The following CNTN5 variants were observed in gnomAD, a reference collection of about 807,000 sequenced individuals.
The protein encoded by CNTN5 is contactin-5.
A neutral mutation model predicts 129.1 loss-of-function variants in CNTN5; 77 were observed. That is an observed-to-expected ratio of 0.60 (90% confidence interval 0.50 to 0.72). CNTN5 has a LOEUF of 0.72. CNTN5 is among the 30% of genes least tolerant of loss of function. The probability of loss-of-function intolerance (pLI) is 0.00; values close to 1 mark genes in which losing one functional copy is unlikely to be tolerated. For missense variants in CNTN5, 1,478 were observed against 1,328.8 expected (o/e 1.11, Z -1.75); for synonymous variants, 509 against 465.6 (o/e 1.09, Z -1.20).
chr11:100,251,232 G>A (rs1001997511), intron 16 of CNTN5, among the ~76,000 whole-genome samples: 3 of 152,124 alleles, frequency 2.0e-5, no homozygotes, highest in Non-Finnish European at 2.9e-5. Flanking sequence ...ATTCTTGCTC[G>A]ATTTTCTCAT....
At chr11:99,375,342 T>C (rs530138663) in intron 2 of CNTN5, among the ~76,000 whole-genome samples, 1 of 125,740 alleles carries the variant, frequency 8.0e-6, no homozygotes, top group South Asian at 2.8e-4. Context: ...AATAAAGTGA[T>C]GAAAGTATAA....
chr11:99,690,442 A>G (rs1057488503), intron 3 of CNTN5, among the ~76,000 whole-genome samples: 1 of 152,040 alleles, frequency 6.6e-6, no homozygotes, highest in Non-Finnish European at 1.5e-5. Context: ...CTATCTGGCT[A>G]TTCGGGCTCT....
chr11:99,316,667 G>A (rs1029066256), intron 1 of CNTN5, among the ~76,000 whole-genome samples: 3 of 150,760 alleles, frequency 2.0e-5, no homozygotes, highest in Non-Finnish European at 4.4e-5. Context: ...ACAGAAAGCT[G>A]AACCATAATA....
At chr11:99,039,606 C>T (rs1290098877) in intron 1 of CNTN5, among the ~76,000 whole-genome samples, 1 of 152,106 alleles carries the variant, frequency 6.6e-6, no homozygotes, top group African/African-American at 2.4e-5. Context: ...TAGCTGGAGT[C>T]ACGTACATTT....
At chr11:100,021,415 A>G (rs982734925) in intron 9 of CNTN5, among the ~76,000 whole-genome samples, 14 of 152,088 alleles carry the variant, frequency 9.2e-5, no homozygotes, top group African/African-American at 3.4e-4. Context: ...AAGAGTTGAA[A>G]TTTTCTAATA....
At chr11:99,150,173 A>G (rs1474320360) in intron 1 of CNTN5, among the ~76,000 whole-genome samples, 1 of 152,034 alleles carries the variant, frequency 6.6e-6, no homozygotes, top group Non-Finnish European at 1.5e-5. Flanking sequence ...AAGTACAACA[A>G]AGTTTATACA....
At chr11:100,079,555 T>C (rs969411500) in intron 13 of CNTN5, among the ~76,000 whole-genome samples, 9 of 152,202 alleles carry the variant, frequency 5.9e-5, no homozygotes, top group Non-Finnish European at 8.8e-5. Context: ...AATATTTACT[T>C]GTTCCATTAA....
chr11:100,044,622 CTT>C (rs970974621), intron 9 of CNTN5, among the ~76,000 whole-genome samples: 1 of 148,670 alleles, frequency 6.7e-6, no homozygotes, highest in Non-Finnish European at 1.5e-5. Flanking sequence ...ATTTTTGTGT[CTT>C]TTTTTTTGAA....
At chr11:100,318,242 GAAAAAAA>G (rs66824133) in intron 21 of CNTN5, among the ~76,000 whole-genome samples, 4 of 76,752 alleles carry the variant, frequency 5.2e-5, no homozygotes, top group Non-Finnish European at 8.1e-5. Flanking sequence ...CTCTGTCTCA[GAAAAAAA>G]AAAAAAAAAA....
At chr11:100,022,051 C>G (rs1230619931) in intron 9 of CNTN5, among the ~76,000 whole-genome samples, 1 of 152,024 alleles carries the variant, frequency 6.6e-6, no homozygotes, top group African/African-American at 2.4e-5. Flanking sequence ...GTAGGTCTTC[C>G]TGAGGGTGGG....
chr11:100,152,764 T>A (rs6590633), intron 13 of CNTN5, among the ~76,000 whole-genome samples: 101,449 of 152,010 alleles, frequency 0.67, 35,725 homozygotes, highest in African/African-American at 0.9. Context: ...TTTAAAAATG[T>A]CTACTCTGTA....
intron 13 of CNTN5, among the ~76,000 whole-genome samples, chr11:100,159,040 A>T (rs1164566637): frequency 6.6e-6 from 1 of 152,020 alleles, no homozygotes; most frequent in Non-Finnish European, 1.5e-5. Flanking sequence ...ACATAAACAT[A>T]CTGTTGAATG....
At chr11:100,170,699 T>C (rs1251164137) in intron 13 of CNTN5, among the ~76,000 whole-genome samples, 1 of 151,928 alleles carries the variant, frequency 6.6e-6, no homozygotes, top group Non-Finnish European at 1.5e-5. Context: ...AGTTCCATGC[T>C]GTCTATGGTG....
chr11:99,715,883 C>G (rs1385338365), intron 3 of CNTN5, among the ~76,000 whole-genome samples: 2 of 151,730 alleles, frequency 1.3e-5, no homozygotes, highest in Non-Finnish European at 2.9e-5. Flanking sequence ...ATCTAAATGA[C>G]AGAACCATTG....
chr11:99,175,954 C>T (rs953599706), intron 1 of CNTN5, among the ~76,000 whole-genome samples: 5 of 151,964 alleles, frequency 3.3e-5, no homozygotes, highest in African/African-American at 1.2e-4. Flanking sequence ...GATACTACAC[C>T]ACAACTCAAG....
intron 17 of CNTN5, among the ~76,000 whole-genome samples, chr11:100,270,817 G>A (rs2138781695): frequency 6.6e-6 from 1 of 152,282 alleles, no homozygotes; most frequent in Non-Finnish European, 1.5e-5. Context: ...AGGGATTGAT[G>A]AAATAATTAT....
chr11:99,417,544 T>C (rs1310694653), intron 2 of CNTN5, among the ~76,000 whole-genome samples: 2 of 152,114 alleles, frequency 1.3e-5, no homozygotes, highest in Admixed American at 6.6e-5. Context: ...TGTGTCTTAA[T>C]AGACTTTATT....
intron 3 of CNTN5, among the ~76,000 whole-genome samples, chr11:99,715,106 T>A (rs1955164341): frequency 6.6e-6 from 1 of 151,968 alleles, no homozygotes. Flanking sequence ...GTGTAATAAA[T>A]GTTCAATAAA....
At chr11:99,819,951 G>C (rs1380330796) in intron 4 of CNTN5, among the ~76,000 whole-genome samples, 186 bp downstream of exon 4, 1 of 152,160 alleles carries the variant, frequency 6.6e-6, no homozygotes, top group Non-Finnish European at 1.5e-5. Flanking sequence ...AGGATGTTAG[G>C]GGAGATACTG....
Sources: allele counts gnomAD v4.1 joint callset (sites outside exome capture counted in the v4.1 genomes callset), GRCh38; gene constraint gnomAD v4.1.1; transcripts MANE v1.5; gene names NCBI Gene and HGNC (gene_info 2026-07-23, HGNC 2026-07-21).